IMMP2L: variants seen among roughly 807,000 people sequenced by gnomAD.
The protein encoded by IMMP2L is mitochondrial inner membrane protease subunit 2.
IMMP2L carries 18 observed loss-of-function variants against 19.3 expected under a neutral mutation model. The ratio of observed to expected loss-of-function variants is 0.93; its 90% CI spans 0.64 to 1.38. The LOEUF is 1.38. Ranked by LOEUF, IMMP2L falls within the 40% of genes most tolerant of loss-of-function variation. IMMP2L has a pLI of 0.00. For missense variants in IMMP2L, 233 were observed against 218.2 expected (o/e 1.07, Z -0.43); for synonymous variants, 76 against 73.0 (o/e 1.04, Z -0.21).
intron 3 of IMMP2L, among the ~76,000 whole-genome samples, chr7:111,214,527 T>A (rs1811720036): frequency 7.5e-6 from 1 of 133,196 alleles, no homozygotes; most frequent in Non-Finnish European, 1.6e-5. Context: ...TTTTTTTTTT[T>A]AATGTAGTAG....
At chr7:111,273,549 C>T (rs1196638802) in intron 3 of IMMP2L, among the ~76,000 whole-genome samples, 6 of 152,108 alleles carry the variant, frequency 3.9e-5, no homozygotes, top group African/African-American at 1.4e-4. Context: ...ATGGGGTCAT[C>T]ATGAACAAAG....
intron 5 of IMMP2L, among the ~76,000 whole-genome samples, chr7:110,827,985 A>G (rs1366246115): frequency 6.6e-6 from 1 of 152,170 alleles, no homozygotes; most frequent in Non-Finnish European, 1.5e-5. Context: ...CCTAACAGCC[A>G]TGCAGTTTCT....
intron 5 of IMMP2L, among the ~76,000 whole-genome samples, chr7:110,768,361 TAAG>T (rs1212738377): frequency 2.0e-5 from 3 of 149,924 alleles, no homozygotes; most frequent in Admixed American, 2.0e-4. Context: ...GCTGGAGTGA[TAAG>T]AAGCGGCCAG....
At chr7:111,459,897 T>C (rs1839991742) in intron 3 of IMMP2L, among the ~76,000 whole-genome samples, 1 of 152,196 alleles carries the variant, frequency 6.6e-6, no homozygotes, top group South Asian at 2.1e-4. Context: ...TGCTAAAGTC[T>C]GGAAAGCATT....
chr7:110,881,273 T>G (rs962182361), intron 5 of IMMP2L, among the ~76,000 whole-genome samples: 1 of 152,144 alleles, frequency 6.6e-6, no homozygotes, highest in African/African-American at 2.4e-5. Flanking sequence ...GCTTTGATCT[T>G]TTTATGAGAT....
At chr7:111,162,004 C>CATA (rs1176051466) in intron 3 of IMMP2L, among the ~76,000 whole-genome samples, 2 of 151,878 alleles carry the variant, frequency 1.3e-5, no homozygotes, top group African/African-American at 4.8e-5. Context: ...TGTGAGTTAC[C>CATA]ACTTGTGTTT....
intron 3 of IMMP2L, among the ~76,000 whole-genome samples, chr7:110,980,758 A>T (rs1432736698): frequency 6.6e-6 from 1 of 152,240 alleles, no homozygotes; most frequent in Admixed American, 6.5e-5. Context: ...TTGGCATAAT[A>T]AAATTGTAAA....
chr7:110,989,420 A>G (rs1311445128), intron 3 of IMMP2L, among the ~76,000 whole-genome samples: 1 of 150,570 alleles, frequency 6.6e-6, no homozygotes, highest in African/African-American at 2.4e-5. Context: ...AGTGGCATAC[A>G]CTGGTGGTCC....
chr7:110,727,521 G>C lies in IMMP2L; in HGVS notation c.409-63800C>G, dbSNP rs1330308358. ...TCACTGTTTCCTCCTCTCCCTCCCA[G>C]TGCTCCAAACCAGTAAGAGTCAGAA... On this transcript the variant is annotated intron_variant, in intron 5 of 5. Coordinates refer to ENST00000405709, the MANE Select transcript of IMMP2L (RefSeq NM_032549.4). The surrounding 1 kb of genome is among the most constrained non-coding windows in gnomAD (Gnocchi z 4.3). Among the ~76,000 whole-genome samples, 1 of 152,178 alleles carries C rather than the reference G, an allele frequency of 6.6e-6. No homozygotes were observed. The highest frequency in any genetic ancestry group is 1.5e-5 in the Non-Finnish European group (1 of 68,034).
Position 110,856,628 on chromosome 7 carries a change from C to T in IMMP2L, c.408+29965G>A, listed in dbSNP as rs1806806384. Reference sequence around the variant, plus strand: ...ATCTGACATGCTCAAATCAATTTGGCACGTAAGGGAAATTGATTTGGAAAA... The same window carrying T: ...ATCTGACATGCTCAAATCAATTTGGTACGTAAGGGAAATTGATTTGGAAAA... On this transcript the variant is annotated intron_variant, in intron 5 of 5. Coordinates refer to ENST00000405709, the MANE Select transcript of IMMP2L (RefSeq NM_032549.4). Among the ~76,000 whole-genome samples the T allele has an allele frequency of 3.3e-5, 5 of 151,976 alleles. No homozygotes were observed. In the South Asian group the frequency reaches 8.3e-4, roughly 25 times the overall value.
At chr7:111,323,964 G>T (rs1046528505) in intron 3 of IMMP2L, among the ~76,000 whole-genome samples, 2 of 151,970 alleles carry the variant, frequency 1.3e-5, no homozygotes, top group African/African-American at 2.4e-5. Flanking sequence ...ACACAGGAAG[G>T]GGAACATCAC....
chr7:111,270,658 CA>C (rs1205331134), intron 3 of IMMP2L, among the ~76,000 whole-genome samples: 1 of 152,036 alleles, frequency 6.6e-6, no homozygotes, highest in Non-Finnish European at 1.5e-5. Context: ...AAGTAGTTGC[CA>C]AGGTAAAGAG....
intron 3 of IMMP2L, among the ~76,000 whole-genome samples, chr7:111,484,953 A>G (rs1038041806): frequency 6.6e-6 from 1 of 151,942 alleles, no homozygotes; most frequent in Admixed American, 6.6e-5. Context: ...AAACCCGGCT[A>G]ATTTTTGTAT....
chr7:111,084,124 TA>T (rs1012927097), intron 3 of IMMP2L, among the ~76,000 whole-genome samples: 2 of 151,420 alleles, frequency 1.3e-5, no homozygotes, highest in Non-Finnish European at 2.9e-5. Flanking sequence ...GCAGGGAAGT[TA>T]GGAGAAATTG....
intron 3 of IMMP2L, among the ~76,000 whole-genome samples, chr7:111,336,554 T>C (rs1389556276): frequency 6.6e-6 from 1 of 152,088 alleles, no homozygotes; most frequent in Non-Finnish European, 1.5e-5. Context: ...GTAAATTTTC[T>C]AGAGTTTATC....
intron 1 of IMMP2L, among the ~76,000 whole-genome samples, chr7:111,554,526 C>G (rs1247926050): frequency 6.6e-6 from 1 of 152,076 alleles, no homozygotes; most frequent in Non-Finnish European, 1.5e-5. Context: ...TTCAGGATCA[C>G]AAAAATAATG....
intron 5 of IMMP2L, among the ~76,000 whole-genome samples, chr7:110,696,975 A>C (rs954139007): frequency 3.9e-5 from 6 of 152,182 alleles, no homozygotes; most frequent in African/African-American, 1.4e-4. Flanking sequence ...TAAGAAGTGC[A>C]GGAGACATCC....
chr7:111,387,827 T>C (rs1831919723), intron 3 of IMMP2L, among the ~76,000 whole-genome samples: 1 of 151,486 alleles, frequency 6.6e-6, no homozygotes. Flanking sequence ...ATACAAAAAA[T>C]TAGCCAGGCA....
intron 3 of IMMP2L, among the ~76,000 whole-genome samples, chr7:111,469,429 A>C (rs113725347): frequency 0.02 from 3,084 of 151,942 alleles, 108 homozygotes; most frequent in African/African-American, 0.071. Flanking sequence ...CTTTTATTTC[A>C]TTGAGCAGTG....
Sources: gnomAD v4.1 joint callset for allele counts (sites outside exome capture counted in the v4.1 genomes callset) on GRCh38, gnomAD v4.1.1 for gene constraint, Gnocchi (gnomAD v3.1) non-coding constraint, MANE v1.5 for transcripts, NCBI Gene and HGNC (gene_info 2026-07-23, HGNC 2026-07-21) for gene names.